Variants in COL12A1 observed in about 807,000 individuals in gnomAD.
COL12A1 encodes collagen type XII alpha 1 chain.
Under a neutral mutation model 349.7 loss-of-function variants are expected in COL12A1, and 114 were observed. The observed-to-expected ratio is 0.33, with a 90% confidence interval of 0.28 to 0.38. The LOEUF (loss-of-function observed/expected upper bound fraction) is 0.38, where lower values mean the gene tolerates loss of function less well. COL12A1 is among the 10% of genes least tolerant of loss of function. The pLI is 1.00. For synonymous variants in COL12A1, 1,369 were observed against 1,329.0 expected, an observed-to-expected ratio of 1.03 and a Z score of -0.66; for missense variants, 3,284 against 3,756.9, an observed-to-expected ratio of 0.87 and a Z score of 3.29.
intron 47 of COL12A1, 89 bp from the exon 48 acceptor site, chr6:75,116,146 G>T: frequency 1.7e-6 from 2 of 1,210,334 alleles, no homozygotes; most frequent in Non-Finnish European, 1.2e-6. Flanking sequence ...CGTATTTCAA[G>T]TAATAAATGA....
chr6:75,170,246 C>A (rs1768552844), intron 13 of COL12A1, among the ~76,000 whole-genome samples: 1 of 152,120 alleles, frequency 6.6e-6, no homozygotes, highest in Admixed American at 6.5e-5. Context: ...ATTGTTCCAG[C>A]CAGCTTTCAT....
intron 8 of COL12A1, among the ~76,000 whole-genome samples, chr6:75,186,510 A>G (rs919530903): frequency 1.3e-5 from 2 of 152,216 alleles, no homozygotes; most frequent in African/African-American, 4.8e-5. Flanking sequence ...ATGCTTATAT[A>G]CTGTTGCTGG....
At chr6:75,174,353 G>A (rs1057150075) in intron 13 of COL12A1, among the ~76,000 whole-genome samples, 37 of 152,064 alleles carry the variant, frequency 2.4e-4, no homozygotes, top group Non-Finnish European at 2.9e-5. Context: ...TCAGGAGATC[G>A]AGATCATCCT....
intron 49 of COL12A1, among the ~76,000 whole-genome samples, chr6:75,114,291 C>A (rs1165387450): frequency 6.6e-6 from 1 of 151,870 alleles, no homozygotes; most frequent in African/African-American, 2.4e-5. Flanking sequence ...AAATAAATCA[C>A]CCCCAGAGCT....
chr6:75,201,088 A>C (rs1296976570), intron 2 of COL12A1, among the ~76,000 whole-genome samples: 2 of 152,132 alleles, frequency 1.3e-5, no homozygotes, highest in African/African-American at 4.8e-5. Flanking sequence ...TTCAGAATCA[A>C]TTTTTTCCAC....
intron 10 of COL12A1, 107 bp downstream of exon 10, chr6:75,182,943 C>CT: frequency 7.3e-7 from 1 of 1,369,538 alleles, no homozygotes; most frequent in Non-Finnish European, 9.8e-7. Context: ...AGGAAAGTTA[C>CT]TTTTTCGTGT....
intron 3 of COL12A1, 142 bp from the exon 4 acceptor site, chr6:75,192,497 C>A (rs1263453273): frequency 1.4e-6 from 1 of 695,064 alleles, no homozygotes; most frequent in South Asian, 2.3e-5. Flanking sequence ...TTATTTTTTA[C>A]TGCCTTCCAA....
intron 13 of COL12A1, among the ~76,000 whole-genome samples, chr6:75,172,115 G>C (rs901225999): frequency 6.6e-6 from 1 of 152,108 alleles, no homozygotes; most frequent in Non-Finnish European, 1.5e-5. Context: ...CTTAGAGATT[G>C]TTTCTTATCA....
chr6:75,148,478 A>G lies in COL12A1; in HGVS notation c.4167T>C (p.Ser1389=). The change falls in exon 22 of 66, where the codon TCT becomes TCC. Residue 1389 remains serine (S), a synonymous_variant. Transcript: ENST00000322507. ...VKGPGDLEAP[S]NLVISERTHR... ...GGGTTCGCTCAGAAATAACTAAGTTAGAAGGTGCTTCCAAATCACCTACAC... is the reference window on the plus strand; with the variant it reads ...GGGTTCGCTCAGAAATAACTAAGTTGGAAGGTGCTTCCAAATCACCTACAC... 2 of 1,613,422 alleles carry G rather than the reference A, an allele frequency of 1.2e-6. No homozygotes were observed. Among genetic ancestry groups the G allele is most frequent in the South Asian group, 1.1e-5 (1 of 91,044 alleles).
chr6:75,151,413 G>A, intron 20 of COL12A1, 126 bp from the exon 21 acceptor site: 1 of 723,690 alleles, frequency 1.4e-6, no homozygotes, highest in South Asian at 2.1e-5. Flanking sequence ...TTAATAATTA[G>A]TTAACTAAAA....
intron 40 of COL12A1, 115 bp downstream of exon 40, chr6:75,125,012 G>T: frequency 1.1e-6 from 1 of 896,008 alleles, no homozygotes; most frequent in Non-Finnish European, 1.5e-6. Context: ...AAAATAGCCT[G>T]CCTACATAAT....
intron 58 of COL12A1, 108 bp downstream of exon 58, chr6:75,101,492 C>G: frequency 9.5e-7 from 1 of 1,057,642 alleles, no homozygotes; most frequent in Non-Finnish European, 1.4e-6. Flanking sequence ...CAGCTTTCCA[C>G]AAGATATATT....
At chr6:75,128,806 T>C (rs594013) in intron 37 of COL12A1, among the ~76,000 whole-genome samples, 8,111 of 152,300 alleles carry the variant, frequency 0.053, 707 homozygotes, top group African/African-American at 0.18. Context: ...TGTACAAATA[T>C]GTACCCAGTA....
chr6:75,157,697 G>A (rs1767830599), intron 14 of COL12A1, among the ~76,000 whole-genome samples: 1 of 152,138 alleles, frequency 6.6e-6, no homozygotes, highest in East Asian at 1.9e-4. Flanking sequence ...ATAGAGTACT[G>A]TGAATGAGAG....
At chr6:75,120,723 C>T (rs1769314597) in intron 44 of COL12A1, among the ~76,000 whole-genome samples, 1 of 152,074 alleles carries the variant, frequency 6.6e-6, no homozygotes, top group Non-Finnish European at 1.5e-5. Context: ...GAGGCCCCTC[C>T]CTCATGGAAA....
At chr6:75,097,842 C>T (rs1047208540) in intron 58 of COL12A1, among the ~76,000 whole-genome samples, 2 of 152,268 alleles carry the variant, frequency 1.3e-5, no homozygotes, top group Middle Eastern at 3.4e-3. Context: ...TCATTTTTCC[C>T]TTTGGTGCGT....
rs528912338 is a variant in COL12A1, at chr6:75,124,949, T to C, written c.6607+178A>G. Among the ~76,000 whole-genome samples the C allele has an allele frequency of 3.5e-4, 53 of 152,310 alleles. No individual in the cohort carries two copies. The South Asian group carries it at 0.011, about 30-fold the overall frequency. ...ATTTCTCACCATATATATTTTTATA[T>C]ACTCAATTATAATATTTATGTATTT... On this transcript the variant is annotated intron_variant, in intron 40 of 65. Transcript: ENST00000322507.
intron 14 of COL12A1, among the ~76,000 whole-genome samples, chr6:75,160,130 C>A (rs1379702228): frequency 6.6e-6 from 1 of 150,716 alleles, no homozygotes; most frequent in African/African-American, 2.5e-5. Context: ...TTGGATACCA[C>A]ATGCCATTAA....
intron 21 of COL12A1, among the ~76,000 whole-genome samples, chr6:75,149,705 C>CT (rs755067956): frequency 4.8e-4 from 73 of 152,078 alleles, no homozygotes; most frequent in Non-Finnish European, 9.4e-4. Context: ...CAAGCCAAAA[C>CT]TGGGGAAAGC....
Sources: gnomAD v4.1 joint callset for allele counts (sites outside exome capture counted in the v4.1 genomes callset) on GRCh38, gnomAD v4.1.1 for gene constraint, MANE v1.5 for transcripts, NCBI Gene and HGNC (gene_info 2026-07-23, HGNC 2026-07-21) for gene names.